FAM227A: variants seen among roughly 807,000 people sequenced by gnomAD.
FAM227A encodes family with sequence similarity 227 member A, also known as protein FAM227A.
FAM227A carries 80 observed loss-of-function variants against 74.7 expected under a neutral mutation model. The ratio of observed to expected loss-of-function variants is 1.07; its 90% CI spans 0.89 to 1.29. The LOEUF (loss-of-function observed/expected upper bound fraction) is 1.29, where lower values mean the gene tolerates loss of function less well. Ranked by LOEUF, FAM227A falls within the 50% of genes most tolerant of loss-of-function variation. The pLI is 0.00. For missense variants in FAM227A, 654 were observed against 683.4 expected (o/e 0.96, Z 0.48); for synonymous variants, 237 against 241.8 (o/e 0.98, Z 0.19).
intron 8 of FAM227A, among the ~76,000 whole-genome samples, chr22:38,626,510 G>A (rs1396710172): frequency 6.6e-6 from 1 of 151,884 alleles, no homozygotes; most frequent in East Asian, 1.9e-4. Context: ...CTTCTCGGTA[G>A]CTGGGAATAG....
Position 38,628,248 on chromosome 22 carries a change from G to A in FAM227A, c.716C>T (p.Ala239Val), listed in dbSNP as rs1433157213. Residue 239 changes from alanine to valine, a missense_variant, in exon 8 of 17, where the codon GCG becomes GTG. Coordinates refer to ENST00000535113, the MANE Select transcript of FAM227A (RefSeq NM_001013647.2). Reference sequence around the variant, plus strand: ...GTGGCTGATGCTCACTTTTAAGAGCGCCTCTTCAGAGTGGGACTTGGGTAC... The same window carrying A: ...GTGGCTGATGCTCACTTTTAAGAGCACCTCTTCAGAGTGGGACTTGGGTAC... ...FRVPKSHSEE[A>V]LLKRLPSLLS... 14 of 1,541,238 alleles carry A rather than the reference G, an allele frequency of 9.1e-6. No individual in the cohort carries two copies. Among genetic ancestry groups the A allele is most frequent in the African/African-American group, 1.4e-5 (1 of 72,814 alleles).
At chr22:38,634,667 A>G (rs543493412) in intron 6 of FAM227A, among the ~76,000 whole-genome samples, 68 of 152,268 alleles carry the variant, frequency 4.5e-4, no homozygotes, top group Non-Finnish European at 7.8e-4. Context: ...ATCTTTGTAC[A>G]CTGTCCTGTA....
intron 6 of FAM227A, among the ~76,000 whole-genome samples, 177 bp downstream of exon 6, chr22:38,636,274 G>A (rs2092005373): frequency 6.6e-6 from 1 of 152,132 alleles, no homozygotes; most frequent in Non-Finnish European, 1.5e-5. Flanking sequence ...CCGTTGCTCT[G>A]GTAGAAGGAA....
intron 11 of FAM227A, among the ~76,000 whole-genome samples, chr22:38,619,537 T>C (rs1271862818): frequency 6.6e-6 from 1 of 152,178 alleles, no homozygotes; most frequent in African/African-American, 2.4e-5. Context: ...TGGACCAGAC[T>C]GGTCTTGGAC....
chr22:38,620,177 T>C (rs4821797), intron 11 of FAM227A, 35 bp downstream of exon 11: 510,828 of 1,472,386 alleles, frequency 0.35, 90,700 homozygotes, highest in African/African-American at 0.49. Flanking sequence ...CTTATGGGAC[T>C]CCAAAGGGGT....
intron 11 of FAM227A, among the ~76,000 whole-genome samples, chr22:38,613,338 A>G (rs1428585487): frequency 3.1e-5 from 1 of 32,096 alleles, no homozygotes; most frequent in East Asian, 8.9e-4. Flanking sequence ...TATATAATAT[A>G]TAACATATAT....
chr22:38,626,626 G>A lies in FAM227A; in HGVS notation c.727-323C>T, dbSNP rs550252326. 7.9e-5 allele frequency among the ~76,000 whole-genome samples: 12 copies of A among 151,720 alleles called. No homozygotes were observed. The South Asian group carries it at 2.5e-3, about 32-fold the overall frequency. Reference sequence around the variant, plus strand: ...CGCCTGTAATCACAACGCTTTGGGAGGCCGAGGCGGGTGGATCACCTGAGG... The same window carrying A: ...CGCCTGTAATCACAACGCTTTGGGAAGCCGAGGCGGGTGGATCACCTGAGG... On this transcript the variant is annotated intron_variant, in intron 8 of 16. Transcript: ENST00000535113.
chr22:38,643,326 A>G (rs1286754380), intron 3 of FAM227A, among the ~76,000 whole-genome samples: 1 of 136,336 alleles, frequency 7.3e-6, no homozygotes, highest in Non-Finnish European at 1.6e-5. Flanking sequence ...AAAAAAAAAA[A>G]AATAGTGGGT....
Position 38,591,497 on chromosome 22 carries a change from C to T in FAM227A, c.1576G>A (p.Ala526Thr). The change falls in exon 16 of 17, where the codon GCA (alanine) becomes ACA (threonine). Residue 526 changes from alanine (A) to threonine (T), a missense_variant. Physicochemically the swap from Ala to Thr is moderately conservative, Grantham distance 58. Coordinates refer to ENST00000535113, the MANE Select transcript of FAM227A (RefSeq NM_001013647.2). ...IDPKAADTKK[A>T]NHMFIPPSAV... ...GAAGGTGGGATGAACATGTGGTTTG[C>T]CTTTTTTGTATCTGCTGCTTTTGGA... is the stretch of plus-strand genomic sequence containing the variant. The T allele has an allele frequency of 6.5e-7, 1 of 1,549,192 alleles. No homozygotes were observed. Among genetic ancestry groups the T allele is most frequent in the Non-Finnish European group, 8.7e-7 (1 of 1,146,218 alleles).
At chr22:38,603,671 G>A (rs2091224149) in intron 13 of FAM227A, among the ~76,000 whole-genome samples, 1 of 152,082 alleles carries the variant, frequency 6.6e-6, no homozygotes, top group African/African-American at 2.4e-5. Context: ...GTTAGTATGT[G>A]CATAGTGTAT....
intron 11 of FAM227A, among the ~76,000 whole-genome samples, chr22:38,614,027 A>T (rs2091524098): frequency 6.6e-6 from 1 of 152,120 alleles, no homozygotes; most frequent in African/African-American, 2.4e-5. Flanking sequence ...CACCACGCCC[A>T]TCTAATTTTT....
At position 38,647,496 on chromosome 22, in the gene FAM227A, T is replaced by G. The variant is rs185234618; in HGVS notation, c.143-1851A>C. Among the ~76,000 whole-genome samples, 398 of 152,170 alleles carry G rather than the reference T, an allele frequency of 2.6e-3. 2 individuals carry two copies. The highest frequency in any genetic ancestry group is 2.0e-3 in the Non-Finnish European group (139 of 68,002). The stretch of plus-strand genomic sequence containing the variant: ...CAAAAAAAAGAAAAATAAATAATGC[T>G]GTGATGCATGTGTGATGTCACAGAG... On this transcript the variant is annotated intron_variant, in intron 2 of 16. Coordinates refer to ENST00000535113, the MANE Select transcript of FAM227A (RefSeq NM_001013647.2).
intron 16 of FAM227A, among the ~76,000 whole-genome samples, chr22:38,587,654 A>G (rs773110075): frequency 1.3e-5 from 2 of 152,216 alleles, no homozygotes; most frequent in Non-Finnish European, 1.5e-5. Flanking sequence ...CAAACCATTA[A>G]GGAAGAATTA....
intron 6 of FAM227A, among the ~76,000 whole-genome samples, chr22:38,635,241 A>G (rs2091980924): frequency 6.6e-6 from 1 of 151,424 alleles, no homozygotes; most frequent in Admixed American, 6.6e-5. Context: ...AAAAAAAAAA[A>G]AAAAAAAAGG....
At chr22:38,640,011 G>A (rs964756297) in intron 3 of FAM227A, among the ~76,000 whole-genome samples, 7 of 152,058 alleles carry the variant, frequency 4.6e-5, no homozygotes, top group African/African-American at 7.2e-5. Flanking sequence ...TTGTAAAAGG[G>A]GGATAATAAT....
rs773096450 is a variant in FAM227A, at chr22:38,645,641, G to C, written c.147C>G (p.Cys49Trp). The change falls in exon 3 of 17, where the codon TGC becomes TGG. Residue 49 changes from cysteine to tryptophan, a missense_variant. Cys to Trp is a radical substitution (Grantham distance 215). Transcript: ENST00000535113. ...RKELENNPPS[C>W]LIGSMHQVNQ... The stretch of plus-strand genomic sequence containing the variant: ...TCACCTGGTGCATGGAGCCAATAAG[G>C]CATGCTGGGAGGTTAGTCTGCTAAG... 3 of 1,549,524 alleles carry C rather than the reference G, an allele frequency of 1.9e-6. No homozygotes were observed. The African/African-American group carries it at 4.1e-5, about 21-fold the overall frequency.
chr22:38,586,320 G>A, intron 16 of FAM227A, 121 bp from the exon 17 acceptor site: 1 of 1,089,472 alleles, frequency 9.2e-7, no homozygotes, highest in African/African-American at 1.6e-5. Context: ...GAATATTGAG[G>A]GCGTGCTCCT....
intron 12 of FAM227A, among the ~76,000 whole-genome samples, chr22:38,606,344 T>G (rs1241369524): frequency 6.6e-6 from 1 of 152,134 alleles, no homozygotes; most frequent in East Asian, 1.9e-4. Flanking sequence ...TTTAAAAATT[T>G]TTTTTGTAAA....
rs74486895 is a variant in FAM227A, at chr22:38,641,868, C to A, written c.226-2144G>T. 2.0e-5 allele frequency among the ~76,000 whole-genome samples: 3 copies of A among 152,250 alleles called. No individual in the cohort carries two copies. In the South Asian group the frequency reaches 6.2e-4, roughly 32 times the overall value. Reference sequence around the variant, plus strand: ...CAAAAAGACACTTACAGATGATTCACGCCTGTGTTCTTCCATCTTGTGGGA... The same window carrying A: ...CAAAAAGACACTTACAGATGATTCAAGCCTGTGTTCTTCCATCTTGTGGGA... On this transcript the variant is annotated intron_variant, in intron 3 of 16. Transcript: ENST00000535113.
Sources: gnomAD v4.1 joint callset for allele counts (sites outside exome capture counted in the v4.1 genomes callset) on GRCh38, gnomAD v4.1.1 for gene constraint, MANE v1.5 for transcripts, NCBI Gene and HGNC (gene_info 2026-07-23, HGNC 2026-07-21) for gene names.